Variants in VAT1L observed in about 807,000 individuals in gnomAD.
VAT1L encodes the protein putative NADPH-dependent quinone oxidoreductase VAT1L.
VAT1L carries 34 observed loss-of-function variants against 44.1 expected under a neutral mutation model. The ratio of observed to expected loss-of-function variants is 0.77; its 90% confidence interval spans 0.59 to 1.03. The LOEUF (loss-of-function observed/expected upper bound fraction) is 1.03, where lower values mean the gene tolerates loss of function less well. VAT1L is among the 50% of genes least tolerant of loss of function. VAT1L has a pLI of 0.00. For missense variants in VAT1L, 615 were observed against 538.8 expected (o/e 1.14, Z -1.40); for synonymous variants, 253 against 202.2 (o/e 1.25, Z -2.13).
intron 7 of VAT1L, among the ~76,000 whole-genome samples, chr16:77,961,765 G>C (rs1318968532): frequency 6.6e-6 from 1 of 152,112 alleles, no homozygotes; most frequent in Admixed American, 6.6e-5. Flanking sequence ...CCTGGGCTTG[G>C]CCCCCTGCCT....
chr16:77,931,171 G>T lies in VAT1L; in HGVS notation c.1078-40679G>T, dbSNP rs77025223. Among the ~76,000 whole-genome samples the T allele has an allele frequency of 8.3e-4, 127 of 152,258 alleles. 1 individual carries two copies. The East Asian group carries it at 0.023, about 28-fold the overall frequency. The stretch of plus-strand genomic sequence containing the variant: ...CTCCTCGATAGAATTATGACTCTCA[G>T]AAGAAGTTTTAATAAACTTTCTTTC... On this transcript the variant is annotated intron_variant, in intron 7 of 8. Coordinates refer to ENST00000302536, the MANE Select transcript of VAT1L (RefSeq NM_020927.3).
intron 7 of VAT1L, among the ~76,000 whole-genome samples, chr16:77,937,004 C>T (rs1001048409): frequency 6.6e-6 from 1 of 152,188 alleles, no homozygotes; most frequent in East Asian, 1.9e-4. Flanking sequence ...CCTGCCTCAG[C>T]CTCCCGAGTA....
At chr16:77,891,102 C>G (rs2017260642) in intron 7 of VAT1L, among the ~76,000 whole-genome samples, 1 of 152,126 alleles carries the variant, frequency 6.6e-6, no homozygotes, top group African/African-American at 2.4e-5. Flanking sequence ...TGCCTGTAAT[C>G]CCAGCACTTT....
chr16:77,933,586 T>G (rs2017756643), intron 7 of VAT1L, among the ~76,000 whole-genome samples: 1 of 149,938 alleles, frequency 6.7e-6, no homozygotes, highest in Non-Finnish European at 1.5e-5. Flanking sequence ...AGGAATGGAG[T>G]AAAAGGGATG....
At chr16:77,819,516 G>T (rs1031297425) in intron 2 of VAT1L, among the ~76,000 whole-genome samples, 4 of 152,082 alleles carry the variant, frequency 2.6e-5, no homozygotes, top group African/African-American at 9.6e-5. Flanking sequence ...TGAGTAGCTG[G>T]GATTATAGGT....
intron 7 of VAT1L, among the ~76,000 whole-genome samples, chr16:77,951,069 C>T (rs557789066): frequency 6.6e-6 from 1 of 152,252 alleles, no homozygotes; most frequent in Non-Finnish European, 1.5e-5. Context: ...AATATATTAA[C>T]CTGATCAAAG....
chr16:77,811,035 T>C (rs773946197), intron 1 of VAT1L, among the ~76,000 whole-genome samples: 3 of 152,148 alleles, frequency 2.0e-5, no homozygotes, highest in Non-Finnish European at 4.4e-5. Flanking sequence ...TTGAGTATAA[T>C]AGGAAAATAT....
At chr16:77,857,604 G>A (rs2016871828) in intron 3 of VAT1L, among the ~76,000 whole-genome samples, 1 of 150,620 alleles carries the variant, frequency 6.6e-6, no homozygotes, top group African/African-American at 2.4e-5. Flanking sequence ...TACTCACATA[G>A]CATACTAATC....
intron 3 of VAT1L, among the ~76,000 whole-genome samples, chr16:77,847,723 A>G (rs1379659156): frequency 6.6e-6 from 1 of 152,186 alleles, no homozygotes; most frequent in Admixed American, 6.5e-5. Flanking sequence ...GAGTGGCAAA[A>G]CCAAGTGTCA....
intron 7 of VAT1L, among the ~76,000 whole-genome samples, chr16:77,971,508 C>T (rs1567526610): frequency 6.6e-6 from 1 of 152,090 alleles, no homozygotes; most frequent in Admixed American, 6.6e-5. Context: ...CTCTATTGGT[C>T]AAAATCTAAT....
intron 7 of VAT1L, among the ~76,000 whole-genome samples, chr16:77,886,782 G>C (rs574837007): frequency 1.3e-5 from 2 of 152,246 alleles, no homozygotes; most frequent in East Asian, 3.9e-4. Context: ...GTGAGTGGAG[G>C]GGGGAGACTT....
chr16:77,802,665 CACACT>C (rs201169418), intron 1 of VAT1L, among the ~76,000 whole-genome samples: 2,465 of 133,866 alleles, frequency 0.018, 34 homozygotes, highest in Non-Finnish European at 0.022. Context: ...CACACACACA[CACACT>C]AAAGTTGCAT....
intron 7 of VAT1L, among the ~76,000 whole-genome samples, chr16:77,970,051 TAA>T (rs36120858): frequency 0.36 from 31,388 of 86,554 alleles, 5,122 homozygotes; most frequent in Middle Eastern, 0.53. Flanking sequence ...ACATCTCTAC[TAA>T]AAAAAAAAAA....
chr16:77,906,062 C>G (rs1039196682), intron 7 of VAT1L, among the ~76,000 whole-genome samples: 4 of 152,146 alleles, frequency 2.6e-5, no homozygotes, highest in Non-Finnish European at 4.4e-5. Context: ...ACTGTCCCCC[C>G]AGTAATGAGT....
intron 5 of VAT1L, 41 bp downstream of exon 5, chr16:77,876,514 T>C (rs1161423128): frequency 1.3e-6 from 2 of 1,559,046 alleles, no homozygotes; most frequent in South Asian, 1.1e-5. Context: ...CAGCAATAGG[T>C]ACCTCTACAT....
At chr16:77,792,890 G>C (rs949490425) in intron 1 of VAT1L, among the ~76,000 whole-genome samples, 1 of 152,116 alleles carries the variant, frequency 6.6e-6, no homozygotes, top group Admixed American at 6.5e-5. Flanking sequence ...CATATACAAA[G>C]ACCTTTATAA....
chr16:77,928,576 T>C (rs1309671476), intron 7 of VAT1L, among the ~76,000 whole-genome samples: 1 of 152,180 alleles, frequency 6.6e-6, no homozygotes, highest in Non-Finnish European at 1.5e-5. Flanking sequence ...TCCTCTTAAA[T>C]AAGGCATTTG....
At chr16:77,849,149 C>A in intron 3 of VAT1L, among the ~76,000 whole-genome samples, 1 of 152,100 alleles carries the variant, frequency 6.6e-6, no homozygotes, top group African/African-American at 2.4e-5. Context: ...TGTAACAAAC[C>A]TGCACATTCT....
chr16:77,900,619 C>T (rs904363417), intron 7 of VAT1L, among the ~76,000 whole-genome samples: 3 of 150,980 alleles, frequency 2.0e-5, no homozygotes, highest in African/African-American at 4.9e-5. Context: ...CACTTGAACC[C>T]GGGAGGCAGA....
Sources: gnomAD v4.1 joint callset for allele counts (sites outside exome capture counted in the v4.1 genomes callset) on GRCh38, gnomAD v4.1.1 for gene constraint, MANE v1.5 for transcripts, NCBI Gene and HGNC (gene_info 2026-07-23, HGNC 2026-07-21) for gene names.